The following THEMIS variants were observed in gnomAD, a reference collection of about 807,000 sequenced individuals.
THEMIS encodes protein THEMIS.
A neutral mutation model predicts 52.6 loss-of-function variants in THEMIS; 37 were observed. The observed-to-expected ratio is 0.70, with a 90% CI of 0.54 to 0.93. The LOEUF (loss-of-function observed/expected upper bound fraction) is 0.93. THEMIS is among the 40% of genes least tolerant of loss of function. THEMIS has a pLI of 0.00. For synonymous variants in THEMIS, 292 were observed against 272.7 expected (o/e 1.07, Z -0.70); for missense variants, 808 against 763.1 (o/e 1.06, Z -0.69).
intron 1 of THEMIS, among the ~76,000 whole-genome samples, chr6:127,880,514 A>G (rs1258048611): frequency 7.2e-6 from 1 of 139,778 alleles, no homozygotes; most frequent in African/African-American, 2.5e-5. Flanking sequence ...GTCCTGAGGA[A>G]AAAAAAAAAA....
rs115407602 is a variant in THEMIS at position 127,855,810 on chromosome 6, C to T, written c.92-622G>A. On this transcript the variant is annotated intron_variant, in intron 1 of 5. Coordinates refer to ENST00000368248, the MANE Select transcript of THEMIS (RefSeq NM_001010923.3). ...GCTTCATTTTAGTCAGTATTTCAAT[C>T]GTCTTCTTGACAAACCTTTTATCAT... Among the ~76,000 whole-genome samples the T allele has an allele frequency of 3.1e-3, 472 of 151,970 alleles. 2 individuals carry two copies. The highest frequency in any genetic ancestry group is 0.011 in the African/African-American group (452 of 41,500).
rs552886210 is a variant in THEMIS, at chr6:127,768,247, T to A, written c.1758+44636A>T. On this transcript the variant is annotated intron_variant, in intron 4 of 5. Transcript: ENST00000368248. ...AAGTGTACTTTCAGAGTAAAATAAA[T>A]GTTAACTAACCTTATTTGTATTTCA... 2.6e-5 allele frequency among the ~76,000 whole-genome samples: 4 copies of A among 152,332 alleles called. No homozygotes were observed. In the South Asian group the frequency reaches 8.3e-4, roughly 32 times the overall value.
chr6:127,895,298 T>C (rs1780930421), intron 1 of THEMIS, among the ~76,000 whole-genome samples: 1 of 151,408 alleles, frequency 6.6e-6, no homozygotes, highest in Non-Finnish European at 1.5e-5. Context: ...GATATAATAC[T>C]GAAGGCTCTA....
intron 1 of THEMIS, among the ~76,000 whole-genome samples, chr6:127,856,787 CT>C (rs1423161385): frequency 6.6e-6 from 1 of 151,874 alleles, no homozygotes; most frequent in Non-Finnish European, 1.5e-5. Context: ...GGCTCAAGTC[CT>C]TTGTGGAACA....
At chr6:127,911,952 T>C (rs992814083) in intron 1 of THEMIS, among the ~76,000 whole-genome samples, 7 of 151,818 alleles carry the variant, frequency 4.6e-5, no homozygotes, top group Non-Finnish European at 1.0e-4. Context: ...CCACAGATAT[T>C]GTGTAGAATG....
At chr6:127,704,963 T>G (rs1425711941), downstream of THEMIS, among the ~76,000 whole-genome samples, 1 of 152,100 alleles carries the variant, frequency 6.6e-6, no homozygotes, top group Non-Finnish European at 1.5e-5. Context: ...TAGGAGTGGG[T>G]CTGAAAGACA....
chr6:127,838,012 A>G (rs187097076), intron 2 of THEMIS, among the ~76,000 whole-genome samples: 1 of 152,188 alleles, frequency 6.6e-6, no homozygotes, highest in East Asian at 1.9e-4. Context: ...TTTGGAGTTG[A>G]TTCGACAAGT....
At chr6:127,846,018 G>A (rs1043676879) in intron 2 of THEMIS, among the ~76,000 whole-genome samples, 1 of 151,864 alleles carries the variant, frequency 6.6e-6, no homozygotes, top group Non-Finnish European at 1.5e-5. Context: ...TTACCTGACT[G>A]AGTGTTGACA....
At chr6:127,724,722 G>A (rs1166098222) in intron 4 of THEMIS, among the ~76,000 whole-genome samples, 2 of 151,824 alleles carry the variant, frequency 1.3e-5, no homozygotes, top group Non-Finnish European at 1.5e-5. Context: ...CTTGTATTTT[G>A]CATGTTGTTT....
chr6:127,747,303 G>T (rs976370367), intron 4 of THEMIS, among the ~76,000 whole-genome samples: 1 of 130,178 alleles, frequency 7.7e-6, no homozygotes. Flanking sequence ...TCTGTTAATG[G>T]TATATAATTA....
chr6:127,704,948 T>C (rs1442513940), downstream of THEMIS, among the ~76,000 whole-genome samples: 1 of 152,228 alleles, frequency 6.6e-6, no homozygotes, highest in Non-Finnish European at 1.5e-5. Flanking sequence ...CACTAGAGCC[T>C]CACTTAGGAG....
chr6:127,813,108 C>G lies in THEMIS; in HGVS notation c.1533G>C (p.Met511Ile), dbSNP rs1777974857. ...AGAAATTACTAACTAACTGAACAGTCATATTCAAGCGGCCCACAGGAATTT... is the reference window on the plus strand; with the variant it reads ...AGAAATTACTAACTAACTGAACAGTGATATTCAAGCGGCCCACAGGAATTT... The part of the protein sequence containing the change: ...CWEIPVGRLN[M>I]TVQLVSNFSR... Residue 511 changes from methionine to isoleucine, a missense_variant, in exon 4 of 6, where the codon ATG (methionine) becomes ATC (isoleucine). Physicochemically the swap from Met to Ile is conservative, Grantham distance 10 (BLOSUM62 1). Transcript: ENST00000368248. 1 of 1,613,972 alleles carries G rather than the reference C, an allele frequency of 6.2e-7. No individual in the cohort carries two copies. The highest frequency in any genetic ancestry group is 1.3e-5 in the African/African-American group (1 of 74,900).
chr6:127,901,911 T>C (rs1262993329), upstream of THEMIS, among the ~76,000 whole-genome samples: 3 of 152,060 alleles, frequency 2.0e-5, no homozygotes, highest in South Asian at 2.1e-4. Flanking sequence ...AGAAAACTCA[T>C]GAACATTGAT....
chr6:127,813,036 G>A lies in THEMIS; in HGVS notation c.1605C>T (p.Ile535=), dbSNP rs955802786. 4 of 1,613,978 alleles carry A rather than the reference G, an allele frequency of 2.5e-6. No individual in the cohort carries two copies. In the African/African-American group the frequency reaches 4.0e-5, roughly 16 times the overall value. The change falls in exon 4 of 6, where the codon ATC becomes ATT. Residue 535 remains isoleucine (I), a synonymous_variant. Transcript: ENST00000368248. ...GCATCATGTAATATTGCTCTTCAGT[G>A]ATCTCTTCTACCAGAGTCCTGACTA... ...PFLVRTLVEE[I]TEEQYYMMRR...
intron 4 of THEMIS, among the ~76,000 whole-genome samples, chr6:127,781,940 G>C (rs1400045134): frequency 6.6e-6 from 1 of 152,188 alleles, no homozygotes; most frequent in Non-Finnish European, 1.5e-5. Flanking sequence ...GAGATTTGCT[G>C]CTCTCTTCAG....
At chr6:127,814,284 T>C (rs1207924607) in intron 3 of THEMIS, among the ~76,000 whole-genome samples, 1 of 152,208 alleles carries the variant, frequency 6.6e-6, no homozygotes, top group Non-Finnish European at 1.5e-5. Context: ...TTATCATCCA[T>C]AACATACATG....
chr6:127,814,706 T>G (rs1009598620), intron 3 of THEMIS, among the ~76,000 whole-genome samples: 1 of 152,122 alleles, frequency 6.6e-6, no homozygotes, highest in Non-Finnish European at 1.5e-5. Flanking sequence ...CATGCGTCAC[T>G]GGGGTTAATG....
chr6:127,709,044 C>T lies in THEMIS; in HGVS notation c.*941G>A, dbSNP rs943503999. 4.6e-5 allele frequency: 7 copies of T among 151,868 alleles called. No individual in the cohort carries two copies. The East Asian group carries it at 1.2e-3, about 25-fold the overall frequency. 9.4% of individuals were successfully genotyped at this position (151,868 alleles called of 1,614,324 possible). A position where few individuals can be genotyped will look rare whatever the true frequency, so the allele number is the denominator to read the frequency against. On this transcript the variant is annotated 3_prime_UTR_variant, in exon 6 of 6. Coordinates refer to ENST00000368248, the MANE Select transcript of THEMIS (RefSeq NM_001010923.3). ...TAATATTGTTCCTGTATACTTAATA[C>T]ATAATAAGATAAATTATTAAAATGT...
At chr6:127,759,545 G>T (rs1254726879) in intron 4 of THEMIS, among the ~76,000 whole-genome samples, 1 of 152,040 alleles carries the variant, frequency 6.6e-6, no homozygotes, top group Non-Finnish European at 1.5e-5. Context: ...TGGAAAATTT[G>T]TTCTCCCAGC....
Sources: gnomAD v4.1 joint callset for allele counts (sites outside exome capture counted in the v4.1 genomes callset) on GRCh38, gnomAD v4.1.1 for gene constraint, MANE v1.5 for transcripts, NCBI Gene and HGNC (gene_info 2026-07-23, HGNC 2026-07-21) for gene names.